Variants in LUZP2 observed in about 807,000 individuals in gnomAD.
LUZP2 encodes leucine zipper protein 2.
Under a neutral mutation model 51.6 loss-of-function variants are expected in LUZP2, and 52 were observed. The ratio of observed to expected loss-of-function variants is 1.01; its 90% CI spans 0.81 to 1.27. The LOEUF (loss-of-function observed/expected upper bound fraction) is 1.27, where lower values mean the gene tolerates loss of function less well. LUZP2 is among the 50% of genes most tolerant of loss of function. The probability of loss-of-function intolerance (pLI) is 0.00; values close to 1 mark genes in which losing one functional copy is unlikely to be tolerated. For synonymous variants in LUZP2, 154 were observed against 137.3 expected, an observed-to-expected ratio of 1.12 and a Z score of -0.85; for missense variants, 436 against 395.4, an observed-to-expected ratio of 1.10 and a Z score of -0.87.
intron 5 of LUZP2, among the ~76,000 whole-genome samples, chr11:24,824,049 C>T (rs1482939025): frequency 1.4e-5 from 2 of 147,506 alleles, no homozygotes; most frequent in African/African-American, 2.5e-5. Context: ...GGCGACAGAG[C>T]GAGACACTGT....
chr11:24,554,927 T>C (rs548658090), intron 1 of LUZP2, among the ~76,000 whole-genome samples: 1 of 152,248 alleles, frequency 6.6e-6, no homozygotes, highest in Non-Finnish European at 1.5e-5. Flanking sequence ...TGCAGTAAGA[T>C]ATCAATACAA....
At chr11:24,986,623 A>G (rs1856196446) in intron 9 of LUZP2, among the ~76,000 whole-genome samples, 1 of 151,456 alleles carries the variant, frequency 6.6e-6, no homozygotes, top group Non-Finnish European at 1.5e-5. Context: ...AAAAGTGACT[A>G]ACATTTTTTC....
At chr11:24,801,330 T>A (rs1331133591) in intron 5 of LUZP2, among the ~76,000 whole-genome samples, 1 of 152,094 alleles carries the variant, frequency 6.6e-6, no homozygotes, top group Admixed American at 6.6e-5. Context: ...TTCTGAATGC[T>A]CCATTAAAGA....
intron 5 of LUZP2, among the ~76,000 whole-genome samples, chr11:24,864,823 A>G (rs1851841125): frequency 6.6e-6 from 1 of 152,190 alleles, no homozygotes; most frequent in African/African-American, 2.4e-5. Flanking sequence ...AGGTGATGCC[A>G]CAATCTAAAA....
chr11:24,891,975 C>A (rs909412257), intron 5 of LUZP2: 19 of 985,420 alleles, frequency 1.9e-5, no homozygotes, highest in Non-Finnish European at 2.0e-5. Context: ...GTGTCCAGTA[C>A]AGTAGGTATA....
chr11:24,607,924 C>T (rs1853986640), intron 1 of LUZP2, among the ~76,000 whole-genome samples: 1 of 151,990 alleles, frequency 6.6e-6, no homozygotes, highest in Non-Finnish European at 1.5e-5. Context: ...TCTAGGCTCA[C>T]TGCAAGCTCC....
intron 7 of LUZP2, among the ~76,000 whole-genome samples, chr11:24,954,840 A>C (rs888200821): frequency 6.6e-6 from 1 of 152,110 alleles, no homozygotes; most frequent in Non-Finnish European, 1.5e-5. Flanking sequence ...CATAGACGCT[A>C]AAATGATATT....
chr11:24,729,475 C>G (rs536368516), intron 2 of LUZP2, among the ~76,000 whole-genome samples, 189 bp downstream of exon 2: 2 of 151,906 alleles, frequency 1.3e-5, no homozygotes, highest in Non-Finnish European at 2.9e-5. Context: ...CTGTGTTTAA[C>G]AAATACAGAA....
intron 5 of LUZP2, among the ~76,000 whole-genome samples, chr11:24,778,413 A>C (rs57626487): frequency 0.68 from 103,414 of 151,622 alleles, 35,394 homozygotes; most frequent in African/African-American, 0.71. Flanking sequence ...AGATCCTTTC[A>C]AAAAATGAAT....
At chr11:24,854,915 A>C (rs1396391795) in intron 5 of LUZP2, among the ~76,000 whole-genome samples, 2 of 152,208 alleles carry the variant, frequency 1.3e-5, no homozygotes, top group South Asian at 4.1e-4. Context: ...TTCCCAGGTG[A>C]GGTGATGCTC....
At chr11:25,014,397 C>T (rs866245998) in intron 9 of LUZP2, among the ~76,000 whole-genome samples, 1 of 152,324 alleles carries the variant, frequency 6.6e-6, no homozygotes, top group South Asian at 2.1e-4. Flanking sequence ...TTCTCCACAT[C>T]CTCTCCAGCA....
At chr11:24,828,427 T>C (rs1850604935) in intron 5 of LUZP2, among the ~76,000 whole-genome samples, 1 of 152,078 alleles carries the variant, frequency 6.6e-6, no homozygotes, top group Non-Finnish European at 1.5e-5. Flanking sequence ...ATGCAAAAAT[T>C]CCTGTGCAGA....
At chr11:24,917,496 T>C (rs1418251188) in intron 7 of LUZP2, among the ~76,000 whole-genome samples, 1 of 152,178 alleles carries the variant, frequency 6.6e-6, no homozygotes, top group Non-Finnish European at 1.5e-5. Context: ...TAATCCATCT[T>C]GAATTAATTT....
In LUZP2 at chr11:24,641,217, C is replaced by T. The variant is rs78005248; in HGVS notation, c.63-87952C>T. Among the ~76,000 whole-genome samples, 839 of 151,392 alleles carry T rather than the reference C, an allele frequency of 5.5e-3. 36 individuals carry two copies. In the East Asian group the frequency reaches 0.13, roughly 23 times the overall value. ...GACATGAGCCATCTTACCCTGCCAA[C>T]GTTTTCTAATTAGATTTTTTTCTAA... On this transcript the variant is annotated intron_variant, in intron 1 of 11. Coordinates refer to ENST00000336930, the MANE Select transcript of LUZP2 (RefSeq NM_001009909.4).
chr11:24,660,610 T>C (rs1359554716), intron 1 of LUZP2, among the ~76,000 whole-genome samples: 5 of 152,172 alleles, frequency 3.3e-5, no homozygotes, highest in Non-Finnish European at 7.4e-5. Flanking sequence ...TGATCATAAA[T>C]GTTCTTCCTG....
At chr11:24,963,391 G>T (rs1413866430) in intron 7 of LUZP2, among the ~76,000 whole-genome samples, 1 of 152,192 alleles carries the variant, frequency 6.6e-6, no homozygotes, top group Non-Finnish European at 1.5e-5. Context: ...AGGCAGACAG[G>T]CCTCCTTGAG....
chr11:24,983,680 T>C (rs931960049), intron 9 of LUZP2, among the ~76,000 whole-genome samples: 1 of 151,680 alleles, frequency 6.6e-6, no homozygotes, highest in African/African-American at 2.4e-5. Flanking sequence ...ATTTTTTTTT[T>C]CTTAAGTCCA....
intron 10 of LUZP2, among the ~76,000 whole-genome samples, chr11:25,067,350 G>C (rs1360851557): frequency 6.6e-6 from 1 of 152,006 alleles, no homozygotes; most frequent in Non-Finnish European, 1.5e-5. Flanking sequence ...TCTAATAATA[G>C]TTTATTTTGC....
chr11:24,728,010 A>G (rs1858546588), intron 1 of LUZP2, among the ~76,000 whole-genome samples: 1 of 152,026 alleles, frequency 6.6e-6, no homozygotes, highest in East Asian at 1.9e-4. Flanking sequence ...TATATTTTCA[A>G]TTAATTACCT....
Sources: allele counts gnomAD v4.1 joint callset (sites outside exome capture counted in the v4.1 genomes callset), GRCh38; gene constraint gnomAD v4.1.1; transcripts MANE v1.5; gene names NCBI Gene and HGNC (gene_info 2026-07-23, HGNC 2026-07-21).